CIT: variants seen among roughly 807,000 people sequenced by gnomAD.
The protein encoded by CIT is citron rho-interacting serine/threonine kinase.
CIT carries 79 observed loss-of-function variants against 272.7 expected under a neutral mutation model. The ratio of observed to expected loss-of-function variants is 0.29; its 90% CI spans 0.24 to 0.35. The LOEUF is 0.35. CIT is among the 10% of genes least tolerant of loss of function. CIT has a pLI of 1.00. For missense variants in CIT, 1,909 were observed against 2,618.3 expected (o/e 0.73, Z 5.91); for synonymous variants, 948 against 995.6 (o/e 0.95, Z 0.90).
At position 119,804,008 on chromosome 12, in the gene CIT, A is replaced by G. The variant is rs1374377603; in HGVS notation, c.1112-619T>C. 5 of 269,286 alleles carry G rather than the reference A, an allele frequency of 1.9e-5. No individual in the cohort carries two copies. 16.7% of individuals were successfully genotyped at this position (269,286 alleles called of 1,614,324 possible). Reference sequence around the variant, plus strand: ...AACCACTTTTTTTTTTTTTTAGTTCATTATGCATCTTCCCCAGCGCAATCA... The same window carrying G: ...AACCACTTTTTTTTTTTTTTAGTTCGTTATGCATCTTCCCCAGCGCAATCA... On this transcript the variant is annotated intron_variant, in intron 9 of 47. Transcript: ENST00000392521. This position sits in a 1 kb window ranked among gnomAD's most constrained non-coding sequence, Gnocchi z 5.3.
chr12:119,700,893 T>A, intron 43 of CIT, 68 bp from the exon 44 acceptor site: 1 of 1,298,964 alleles, frequency 7.7e-7, no homozygotes. Context: ...ACACACATGG[T>A]GATGGAAGAA....
intron 12 of CIT, chr12:119,783,325 C>T (rs933031702): frequency 2.6e-5 from 4 of 152,238 alleles, no homozygotes; most frequent in African/African-American, 4.8e-5. Flanking sequence ...CTTCTTGAGA[C>T]TGTTTAATTG....
intron 23 of CIT, among the ~76,000 whole-genome samples, chr12:119,751,816 A>G (rs1960302802): frequency 6.6e-6 from 1 of 152,248 alleles, no homozygotes; most frequent in South Asian, 2.1e-4. Flanking sequence ...ATATAAGTAA[A>G]GGAGGAACTA....
intron 12 of CIT, chr12:119,783,063 G>GTT (rs2137696046): frequency 6.5e-6 from 1 of 153,416 alleles, no homozygotes; most frequent in South Asian, 2.0e-4. Context: ...CCTCTGCCCA[G>GTT]TTGTCATTTA....
intron 12 of CIT, 40 bp downstream of exon 12, chr12:119,783,868 G>A: frequency 1.3e-6 from 2 of 1,538,688 alleles, no homozygotes; most frequent in Non-Finnish European, 1.7e-6. Flanking sequence ...ACAACAGGAA[G>A]TGCCACCTCC....
chr12:119,696,602 G>A (rs904373347), intron 46 of CIT, among the ~76,000 whole-genome samples: 4 of 152,018 alleles, frequency 2.6e-5, no homozygotes, highest in Admixed American at 6.6e-5. Flanking sequence ...CTCAGCTCAC[G>A]GCAACCTCCG....
chr12:119,773,788 T>C (rs4462403), intron 16 of CIT, among the ~76,000 whole-genome samples: 71,910 of 151,984 alleles, frequency 0.47, 17,435 homozygotes, highest in Admixed American at 0.58. Flanking sequence ...GTAAGTAATA[T>C]TTGTGGCTCC....
Position 119,713,935 on chromosome 12 carries a change from T to A in CIT, c.4306+262A>T. 1 of 604,860 alleles carries A rather than the reference T, an allele frequency of 1.7e-6. No individual in the cohort carries two copies. The highest frequency in any genetic ancestry group is 2.9e-6 in the Non-Finnish European group (1 of 343,236). The allele number at this position is 604,860 out of a possible 1,614,324, so 37.5% of individuals were successfully genotyped here. Reference sequence around the variant, plus strand: ...GTTTCAGTTGGAGTCAGCGGAAAGGTAGGGAGAGACCAGCCTGACAAAAAG... The same window carrying A: ...GTTTCAGTTGGAGTCAGCGGAAAGGAAGGGAGAGACCAGCCTGACAAAAAG... On this transcript the variant is annotated intron_variant, in intron 33 of 47. Transcript: ENST00000392521. This position sits in a 1 kb window ranked among gnomAD's most constrained non-coding sequence, Gnocchi z 5.2.
chr12:119,710,765 C>T lies in CIT; in HGVS notation c.4855-145G>A. 1.3e-6 allele frequency: 1 copy of T among 794,318 alleles called. No homozygotes were observed. The highest frequency in any genetic ancestry group is 2.0e-6 in the Non-Finnish European group (1 of 489,844). 49.2% of individuals were successfully genotyped at this position (794,318 alleles called of 1,614,324 possible). A position where few individuals can be genotyped will look rare whatever the true frequency, so the allele number is the denominator to read the frequency against. On this transcript the variant is annotated intron_variant, in intron 37 of 47. Coordinates refer to ENST00000392521, the MANE Select transcript of CIT (RefSeq NM_001206999.2). The surrounding 1 kb of genome is among the most constrained non-coding windows in gnomAD (Gnocchi z 5.6). ...AAACGCACATATGCTCTTAGCTCAG[C>T]CCGTATTTTGATCTGAGCTCCAAAT...
At chr12:119,689,118 G>A (rs1336547528) in intron 47 of CIT, among the ~76,000 whole-genome samples, 8 of 152,164 alleles carry the variant, frequency 5.3e-5, no homozygotes, top group African/African-American at 1.4e-4. Flanking sequence ...GTTCAAGGCC[G>A]TGGTGAGCTA....
intron 46 of CIT, among the ~76,000 whole-genome samples, chr12:119,695,785 C>CA (rs1273753928): frequency 4.7e-5 from 7 of 149,642 alleles, no homozygotes; most frequent in African/African-American, 1.2e-4. Context: ...GACCCTGTCC[C>CA]AAAAAAAAAG....
chr12:119,861,678 T>C (rs1272210231), intron 3 of CIT, among the ~76,000 whole-genome samples: 1 of 152,032 alleles, frequency 6.6e-6, no homozygotes, highest in Non-Finnish European at 1.5e-5. Context: ...AAAGCCAACA[T>C]AGCTGGGTGT....
Position 119,709,914 on chromosome 12 carries a change from A to C in CIT, c.5071+337T>G, listed in dbSNP as rs546879206. On this transcript the variant is annotated intron_variant, in intron 39 of 47. Transcript: ENST00000392521. ...AGAGAGATCACAGAGTTAACAGAGC[A>C]AGCAAGCTCTCAGAAGGTCAGGGCC... 9.9e-5 allele frequency among the ~76,000 whole-genome samples: 15 copies of C among 151,970 alleles called. 1 individual carries two copies. The highest frequency in any genetic ancestry group is 3.9e-4 in the Admixed American group (6 of 15,228).
At position 119,690,537 on chromosome 12, in the gene CIT, C is replaced by CT; in HGVS notation, c.5883-84dup. The CT allele has an allele frequency of 1.5e-6, 2 of 1,301,834 alleles. No individual in the cohort carries two copies. Among genetic ancestry groups the CT allele is most frequent in the Non-Finnish European group, 2.1e-6 (2 of 972,478 alleles). The allele number at this position is 1,301,834 out of a possible 1,614,324, so 80.6% of individuals were successfully genotyped here. On this transcript the variant is annotated intron_variant, in intron 46 of 47. Coordinates refer to ENST00000392521, the MANE Select transcript of CIT (RefSeq NM_001206999.2). The surrounding 1 kb of genome is among the most constrained non-coding windows in gnomAD (Gnocchi z 6.0). ...TCCTTCTTACCTGAGCAACCCCCTC[C>CT]TTGACCCAGCCTCACCACTGATTAT...
chr12:119,835,716 G>A (rs190947829), intron 5 of CIT, among the ~76,000 whole-genome samples: 1 of 152,158 alleles, frequency 6.6e-6, no homozygotes, highest in East Asian at 1.9e-4. Context: ...AGAATTAGAA[G>A]AAAGCTCTAG....
At position 119,718,800 on chromosome 12, in the gene CIT, T is replaced by A. The variant is rs181807537; in HGVS notation, c.3902A>T (p.Asn1301Ile). 8 of 1,614,168 alleles carry A rather than the reference T, an allele frequency of 5.0e-6. No homozygotes were observed. Among genetic ancestry groups the A allele is most frequent in the African/African-American group, 2.7e-5 (2 of 75,032 alleles). ...CTTCTCCAGGGCCAGCTTCAGCTCA[T>A]TGTACTGCAGAGGAACCTGTGTGGG... ...ALPTQVPLQYNELKLALEKEK... is the reference protein window; with the variant it reads ...ALPTQVPLQYIELKLALEKEK... Residue 1301 changes from asparagine (N) to isoleucine (I), a missense_variant, in exon 31 of 48, where the codon AAT (asparagine) becomes ATT (isoleucine). Asn to Ile is a moderately radical substitution (Grantham distance 149, BLOSUM62 -3). Around this residue, in one of 8 missense-constraint regions of CIT, gnomAD observed 780 missense variants for 1,067.2 expected, o/e 0.73. Transcript: ENST00000392521. The surrounding 1 kb of genome is among the most constrained non-coding windows in gnomAD (Gnocchi z 4.8).
chr12:119,753,128 C>G (rs949613362), intron 22 of CIT, among the ~76,000 whole-genome samples: 1 of 152,064 alleles, frequency 6.6e-6, no homozygotes, highest in Non-Finnish European at 1.5e-5. Context: ...CAAACATGGA[C>G]AGTGTGGTCC....
chr12:119,700,623 C>G, intron 44 of CIT, 122 bp downstream of exon 44: 1 of 795,922 alleles, frequency 1.3e-6, no homozygotes, highest in Admixed American at 1.8e-5. Context: ...CCTCATGATC[C>G]ACCCGCCTCG....
At chr12:119,709,787 AGTGTGTGTGTGTGTGTGTGT>A (rs150206566) in intron 39 of CIT, among the ~76,000 whole-genome samples, 2,290 of 107,702 alleles carry the variant, frequency 0.021, 35 homozygotes, top group Admixed American at 0.027. Flanking sequence ...AGAGAGAGAG[AGTGTGTGTGTGTGTGTGTGT>A]GTGTGTGTGT....
Sources: allele counts gnomAD v4.1 joint callset (sites outside exome capture counted in the v4.1 genomes callset), GRCh38; gene constraint gnomAD v4.1.1; regional missense constraint gnomAD v4.1.1; non-coding constraint Gnocchi (gnomAD v3.1); transcripts MANE v1.5; gene names NCBI Gene and HGNC (gene_info 2026-07-23, HGNC 2026-07-21).